Variants in ITPKB observed in about 807,000 individuals in gnomAD.
ITPKB encodes inositol-trisphosphate 3-kinase B, also known as IP3 3-kinase B.
A neutral mutation model predicts 69.4 loss-of-function variants in ITPKB; 13 were observed. That is an observed-to-expected ratio of 0.19 (90% CI 0.12 to 0.30). ITPKB has a LOEUF of 0.30. ITPKB is among the 10% of genes least tolerant of loss of function. ITPKB has a pLI of 1.00. For missense variants in ITPKB, 1,240 were observed against 1,250.5 expected, an observed-to-expected ratio of 0.99 and a Z score of 0.13; for synonymous variants, 584 against 513.7, an observed-to-expected ratio of 1.14 and a Z score of -1.85.
Position 226,653,629 on chromosome 1 carries a change from C to T in ITPKB, c.1933-4858G>A, listed in dbSNP as rs76147680. Among the ~76,000 whole-genome samples, 1,416 of 152,342 alleles carry T rather than the reference C, an allele frequency of 9.3e-3. 79 individuals carry two copies. The East Asian group carries it at 0.15, about 16-fold the overall frequency. On this transcript the variant is annotated intron_variant, in intron 2 of 7. Transcript: ENST00000429204. ...CTTCTAGACTCCGGATGGAGTTCTG[C>T]ACTTGTGATGTTCTTGAGGACACTT...
At chr1:226,723,788 G>A (rs1479084429) in intron 2 of ITPKB, among the ~76,000 whole-genome samples, 2 of 152,016 alleles carry the variant, frequency 1.3e-5, no homozygotes, top group Admixed American at 1.3e-4. Context: ...TGGTCCCCAG[G>A]GTGTGTAACC....
intron 2 of ITPKB, among the ~76,000 whole-genome samples, chr1:226,690,599 G>A (rs950039101): frequency 6.6e-6 from 1 of 152,228 alleles, no homozygotes; most frequent in Non-Finnish European, 1.5e-5. Flanking sequence ...TGGGCAGGGA[G>A]AGTTTCTTCA....
chr1:226,733,371 G>A (rs995761080), intron 2 of ITPKB, among the ~76,000 whole-genome samples: 7 of 152,148 alleles, frequency 4.6e-5, no homozygotes, highest in African/African-American at 1.7e-4. Context: ...AAGATGTCTG[G>A]CCTTCTGTAG....
chr1:226,728,657 C>T (rs1657493747), intron 2 of ITPKB, among the ~76,000 whole-genome samples: 1 of 152,208 alleles, frequency 6.6e-6, no homozygotes. Context: ...CCCAACCCTG[C>T]AACTGAACAA....
chr1:226,634,593 GGAAAA>G lies in ITPKB; in HGVS notation c.*73_*77del. 1.4e-6 allele frequency: 1 copy of G among 689,970 alleles called. No individual in the cohort carries two copies. The highest frequency in any genetic ancestry group is 2.6e-5 in the East Asian group (1 of 38,316). The allele number at this position is 689,970 out of a possible 1,614,324, so 42.7% of individuals were successfully genotyped here. On this transcript the variant is annotated 3_prime_UTR_variant, in exon 8 of 8. Coordinates refer to ENST00000429204, the MANE Select transcript of ITPKB (RefSeq NM_002221.4). This position sits in a 1 kb window ranked among gnomAD's most constrained non-coding sequence, Gnocchi z 6.3. ...GGAGGGTCAGTCAGGTGTAAGTGAA[GGAAAA>G]GTTAGGAACGAGAAAGGAAGCACAG...
chr1:226,727,576 G>A (rs779363143), intron 2 of ITPKB, among the ~76,000 whole-genome samples: 1 of 152,150 alleles, frequency 6.6e-6, no homozygotes, highest in South Asian at 2.1e-4. Flanking sequence ...CCTTCTTCTT[G>A]GAAAACAGTA....
At chr1:226,701,428 C>T (rs1412669926) in intron 2 of ITPKB, among the ~76,000 whole-genome samples, 3 of 151,524 alleles carry the variant, frequency 2.0e-5, no homozygotes, top group African/African-American at 7.3e-5. Flanking sequence ...CACGGTGAAA[C>T]CCCGTCTCTA....
chr1:226,656,502 C>T, intron 2 of ITPKB: 1 of 152,238 alleles, frequency 6.6e-6, no homozygotes, highest in East Asian at 1.9e-4. Context: ...AGGAGGACTT[C>T]AGGAAGGCAG....
intron 2 of ITPKB, among the ~76,000 whole-genome samples, chr1:226,727,335 G>A (rs1352153932): frequency 5.3e-5 from 8 of 152,182 alleles, no homozygotes; most frequent in African/African-American, 1.9e-4. Context: ...GTTGAGCCCG[G>A]AAAGAATGTC....
chr1:226,661,745 A>G (rs1207433402), intron 2 of ITPKB, among the ~76,000 whole-genome samples: 1 of 152,236 alleles, frequency 6.6e-6, no homozygotes, highest in African/African-American at 2.4e-5. Flanking sequence ...TACATTTTGC[A>G]TACCTCTCAC....
Position 226,737,511 on chromosome 1 carries a change from C to A in ITPKB, c.-53G>T. 1 of 1,446,250 alleles carries A rather than the reference C, an allele frequency of 6.9e-7. No individual in the cohort carries two copies. Among genetic ancestry groups the A allele is most frequent in the Non-Finnish European group, 9.1e-7 (1 of 1,100,778 alleles). 89.6% of individuals were successfully genotyped at this position (1,446,250 alleles called of 1,614,324 possible). On this transcript the variant is annotated 5_prime_UTR_variant, in exon 2 of 8. Coordinates refer to ENST00000429204, the MANE Select transcript of ITPKB (RefSeq NM_002221.4). ...CGCGGCTCCCGCTCCTGCTCCGCCG[C>A]CGGCGCCTCCTCCTCCCGGCGCTCC...
Position 226,640,584 on chromosome 1 carries a change from C to G in ITPKB, c.2452-926G>C, listed in dbSNP as rs369611655. Among the ~76,000 whole-genome samples the G allele has an allele frequency of 4.5e-4, 69 of 152,298 alleles. No individual in the cohort carries two copies. In the South Asian group the frequency reaches 0.014, roughly 31 times the overall value. Reference sequence around the variant, plus strand: ...CTCTCTGAGTGGGAAGACAGGCTGTCGGCTGTTCTGACGGCTGGACAATAG... The same window carrying G: ...CTCTCTGAGTGGGAAGACAGGCTGTGGGCTGTTCTGACGGCTGGACAATAG... On this transcript the variant is annotated intron_variant, in intron 5 of 7. Coordinates refer to ENST00000429204, the MANE Select transcript of ITPKB (RefSeq NM_002221.4).
chr1:226,702,489 T>C (rs1454207186), intron 2 of ITPKB, among the ~76,000 whole-genome samples: 1 of 152,038 alleles, frequency 6.6e-6, no homozygotes, highest in African/African-American at 2.4e-5. Context: ...TCTGCAGCGC[T>C]GCCTATCCTC....
At chr1:226,673,896 G>A (rs935763279) in intron 2 of ITPKB, among the ~76,000 whole-genome samples, 2 of 152,196 alleles carry the variant, frequency 1.3e-5, no homozygotes, top group African/African-American at 4.8e-5. Flanking sequence ...TCAGAGACCT[G>A]CTCTGTTACT....
chr1:226,720,497 G>A (rs1657209196), intron 2 of ITPKB, among the ~76,000 whole-genome samples: 1 of 152,244 alleles, frequency 6.6e-6, no homozygotes, highest in Admixed American at 6.5e-5. Context: ...TTGATCAGCT[G>A]TGGGCTTGGG....
intron 2 of ITPKB, among the ~76,000 whole-genome samples, chr1:226,720,526 T>C (rs950981458): frequency 6.6e-6 from 1 of 152,210 alleles, no homozygotes; most frequent in Admixed American, 6.5e-5. Flanking sequence ...TTTATATGTC[T>C]CATCCTCATC....
At chr1:226,687,294 C>T (rs1656238949) in intron 2 of ITPKB, among the ~76,000 whole-genome samples, 1 of 152,142 alleles carries the variant, frequency 6.6e-6, no homozygotes, top group Non-Finnish European at 1.5e-5. Flanking sequence ...CATAAGAGAG[C>T]TCTTCAGAGT....
rs184985086 is a variant in ITPKB at position 226,684,921 on chromosome 1, C to T, written c.1933-36150G>A. ...TGCCTCCAGCGCTCCACCGTTCACACCCCTGGGTCAACATTCCCAGGGTGG... is the reference window on the plus strand; with the variant it reads ...TGCCTCCAGCGCTCCACCGTTCACATCCCTGGGTCAACATTCCCAGGGTGG... On this transcript the variant is annotated intron_variant, in intron 2 of 7. Coordinates refer to ENST00000429204, the MANE Select transcript of ITPKB (RefSeq NM_002221.4). 1.1e-4 allele frequency among the ~76,000 whole-genome samples: 16 copies of T among 152,304 alleles called. No individual in the cohort carries two copies. In the East Asian group the frequency reaches 3.1e-3, roughly 29 times the overall value.
intron 2 of ITPKB, among the ~76,000 whole-genome samples, chr1:226,666,089 G>C (rs1558079083): frequency 6.6e-6 from 1 of 152,218 alleles, no homozygotes; most frequent in Non-Finnish European, 1.5e-5. Context: ...ACCGCAGAGG[G>C]CTACCAATGG....
Sources: allele counts gnomAD v4.1 joint callset (sites outside exome capture counted in the v4.1 genomes callset), GRCh38; gene constraint gnomAD v4.1.1; non-coding constraint Gnocchi (gnomAD v3.1); transcripts MANE v1.5; gene names NCBI Gene and HGNC (gene_info 2026-07-23, HGNC 2026-07-21).